The following GRIK4 variants were observed in gnomAD, a reference collection of about 807,000 sequenced individuals.
GRIK4 encodes the protein glutamate receptor ionotropic, kainate 4.
A neutral mutation model predicts 104.9 loss-of-function variants in GRIK4; 40 were observed. That is an observed-to-expected ratio of 0.38 (90% CI 0.30 to 0.50). The LOEUF (loss-of-function observed/expected upper bound fraction) is 0.50, where lower values mean the gene tolerates loss of function less well. Ranked by LOEUF, GRIK4 falls within the 20% of genes least tolerant of loss-of-function variation. GRIK4 has a pLI of 0.93. For synonymous variants in GRIK4, 485 were observed against 524.9 expected (o/e 0.92, Z 1.04); for missense variants, 1,047 against 1,308.1 (o/e 0.80, Z 3.08).
Position 120,903,972 on chromosome 11 carries a change from C to T in GRIK4, c.1273-1318C>T, listed in dbSNP as rs1235370905. Among the ~76,000 whole-genome samples, 1 of 152,220 alleles carries T rather than the reference C, an allele frequency of 6.6e-6. No homozygotes were observed. The highest frequency in any genetic ancestry group is 6.5e-5 in the Admixed American group (1 of 15,292). On this transcript the variant is annotated intron_variant, in intron 12 of 20. Coordinates refer to ENST00000527524, the MANE Select transcript of GRIK4 (RefSeq NM_014619.5). The surrounding 1 kb of genome is among the most constrained non-coding windows in gnomAD (Gnocchi z 4.4). Reference sequence around the variant, plus strand: ...TCCTCTATCTTCCAATTTCCTCCTCCTTGACGCTAAGATCATGTTCCCCTG... The same window carrying T: ...TCCTCTATCTTCCAATTTCCTCCTCTTTGACGCTAAGATCATGTTCCCCTG...
intron 3 of GRIK4, among the ~76,000 whole-genome samples, chr11:120,795,438 C>G (rs73578576): frequency 0.056 from 8,581 of 152,262 alleles, 748 homozygotes; most frequent in African/African-American, 0.19. Context: ...GTCCACTCAT[C>G]GCCTAATGCT....
chr11:120,838,362 T>C (rs1953629956), intron 8 of GRIK4, among the ~76,000 whole-genome samples: 1 of 152,222 alleles, frequency 6.6e-6, no homozygotes, highest in Non-Finnish European at 1.5e-5. Context: ...AAATGTATTT[T>C]AAATAACAAA....
intron 11 of GRIK4, among the ~76,000 whole-genome samples, chr11:120,890,210 A>T (rs1325277842): frequency 6.6e-6 from 1 of 152,208 alleles, no homozygotes; most frequent in Non-Finnish European, 1.5e-5. Flanking sequence ...CAACAACAAC[A>T]ACGCTGTACT....
chr11:120,538,889 G>A (rs1251976067), intron 1 of GRIK4, among the ~76,000 whole-genome samples: 1 of 152,254 alleles, frequency 6.6e-6, no homozygotes, highest in Admixed American at 6.5e-5. Flanking sequence ...GGAAGTGCCA[G>A]AGAGAAGGCC....
At chr11:120,787,195 G>C (rs937556925) in intron 3 of GRIK4, among the ~76,000 whole-genome samples, 2 of 151,626 alleles carry the variant, frequency 1.3e-5, no homozygotes, top group African/African-American at 2.4e-5. Context: ...GCCAGTCATG[G>C]TGGTGCTCAC....
chr11:120,826,938 C>T (rs1007529569), intron 6 of GRIK4, among the ~76,000 whole-genome samples: 4 of 152,174 alleles, frequency 2.6e-5, no homozygotes, highest in African/African-American at 9.7e-5. Context: ...AACCGCACAC[C>T]CTGAGGCATG....
intron 1 of GRIK4, among the ~76,000 whole-genome samples, chr11:120,542,963 A>G (rs552739620): frequency 6.6e-6 from 1 of 152,320 alleles, no homozygotes; most frequent in South Asian, 2.1e-4. Flanking sequence ...TGTTACAACA[A>G]CCCTGTGCTG....
intron 13 of GRIK4, among the ~76,000 whole-genome samples, chr11:120,909,261 G>T (rs1194717095): frequency 6.6e-6 from 1 of 152,252 alleles, no homozygotes; most frequent in Non-Finnish European, 1.5e-5. Context: ...TCATGGGCAT[G>T]CCCAAGCAAA....
intron 10 of GRIK4, 33 bp from the exon 11 acceptor site, chr11:120,875,106 G>T (rs772511256): frequency 1.5e-6 from 2 of 1,376,398 alleles, no homozygotes; most frequent in Non-Finnish European, 2.1e-6. Context: ...CCTGGGGCCT[G>T]TTTGGTGCTG....
chr11:120,823,309 G>A (rs1480937520), intron 6 of GRIK4, among the ~76,000 whole-genome samples: 2 of 152,228 alleles, frequency 1.3e-5, no homozygotes, highest in Admixed American at 6.5e-5. Context: ...TGTTTGCTAA[G>A]CATCTACTAC....
intron 1 of GRIK4, among the ~76,000 whole-genome samples, chr11:120,550,218 C>T (rs2136094581): frequency 6.6e-6 from 1 of 151,796 alleles, no homozygotes; most frequent in African/African-American, 2.4e-5. Context: ...GTGCTGGTGC[C>T]TTTGGACTTG....
chr11:120,746,804 C>T (rs140124717), intron 3 of GRIK4, among the ~76,000 whole-genome samples: 2 of 152,140 alleles, frequency 1.3e-5, no homozygotes, highest in Admixed American at 1.3e-4. Context: ...TTTCTAAGCA[C>T]GTCACTCAGT....
intron 3 of GRIK4, among the ~76,000 whole-genome samples, chr11:120,707,537 G>A (rs1302887269): frequency 6.6e-6 from 1 of 152,070 alleles, no homozygotes; most frequent in Non-Finnish European, 1.5e-5. Context: ...GGACTCCCAG[G>A]GCCTAACCAA....
intron 1 of GRIK4, among the ~76,000 whole-genome samples, chr11:120,594,116 AT>A (rs1292000399): frequency 1.1e-4 from 16 of 152,280 alleles, no homozygotes; most frequent in African/African-American, 3.9e-4. Flanking sequence ...TGCATTTCAA[AT>A]ACATCATTTA....
chr11:120,819,975 C>G lies in GRIK4; in HGVS notation c.511+55C>G. 6.5e-7 allele frequency: 1 copy of G among 1,549,570 alleles called. No individual in the cohort carries two copies. Among genetic ancestry groups the G allele is most frequent in the Non-Finnish European group, 8.9e-7 (1 of 1,128,236 alleles). On this transcript the variant is annotated intron_variant, in intron 6 of 20. Transcript: ENST00000527524. This position sits in a 1 kb window ranked among gnomAD's most constrained non-coding sequence, Gnocchi z 4.3. ...GACAGTCCAGTCTTGTTGATTTTGCCCTGATTCCCTGTGCCCCTGGCTGGA... is the reference window on the plus strand; with the variant it reads ...GACAGTCCAGTCTTGTTGATTTTGCGCTGATTCCCTGTGCCCCTGGCTGGA...
chr11:120,574,684 T>C (rs1405147903), intron 1 of GRIK4, among the ~76,000 whole-genome samples: 2 of 152,204 alleles, frequency 1.3e-5, no homozygotes, highest in Non-Finnish European at 2.9e-5. Context: ...TCAGCTGGTA[T>C]GGAGTAGATG....
At chr11:120,947,435 G>A (rs1943889843) in intron 14 of GRIK4, among the ~76,000 whole-genome samples, 1 of 151,338 alleles carries the variant, frequency 6.6e-6, no homozygotes, top group African/African-American at 2.4e-5. Context: ...AGAAATAAAT[G>A]CTGACATTAA....
intron 19 of GRIK4, among the ~76,000 whole-genome samples, chr11:120,973,704 T>A (rs1944512894): frequency 6.6e-6 from 1 of 152,194 alleles, no homozygotes; most frequent in Admixed American, 6.5e-5. Context: ...CAAACATTAC[T>A]CAGAGAGGCT....
chr11:120,578,266 T>C (rs1446202146), intron 1 of GRIK4, among the ~76,000 whole-genome samples: 1 of 151,984 alleles, frequency 6.6e-6, no homozygotes, highest in Non-Finnish European at 1.5e-5. Context: ...CATGGAGGGA[T>C]AGATGTGGGC....
Sources: allele counts gnomAD v4.1 joint callset (sites outside exome capture counted in the v4.1 genomes callset), GRCh38; gene constraint gnomAD v4.1.1; non-coding constraint Gnocchi (gnomAD v3.1); transcripts MANE v1.5; gene names NCBI Gene and HGNC (gene_info 2026-07-23, HGNC 2026-07-21).